ATP10B: variants seen among roughly 807,000 people sequenced by gnomAD.
The protein encoded by ATP10B is ATPase phospholipid transporting 10B (putative).
Under a neutral mutation model 141.2 loss-of-function variants are expected in ATP10B, and 122 were observed. That is an observed-to-expected ratio of 0.86 (90% confidence interval 0.75 to 1.00). The LOEUF (loss-of-function observed/expected upper bound fraction) is 1.00. ATP10B is among the 50% of genes least tolerant of loss of function. The pLI is 0.00. For missense variants in ATP10B, 1,876 were observed against 1,825.3 expected (o/e 1.03, Z -0.51); for synonymous variants, 685 against 692.0 (o/e 0.99, Z 0.16).
rs1001978304 is a variant in ATP10B, at chr5:160,708,187, C to T, written c.-205+8722G>A. ...AACCACTGCAACATTTTTAGGGTGT[C>T]GTTGAGGTTTTGTTGTCTGATTTTT... On this transcript the variant is annotated intron_variant, in intron 3 of 25. Transcript: ENST00000327245. 4.6e-5 allele frequency among the ~76,000 whole-genome samples: 7 copies of T among 152,070 alleles called. 1 individual carries two copies. Among genetic ancestry groups the T allele is most frequent in the African/African-American group, 7.2e-5 (3 of 41,404 alleles).
chr5:160,813,455 G>A (rs1440426438), intron 1 of ATP10B, among the ~76,000 whole-genome samples: 1 of 152,196 alleles, frequency 6.6e-6, no homozygotes, highest in Non-Finnish European at 1.5e-5. Context: ...CACCACTGCT[G>A]AGGCTTGAGT....
At chr5:160,828,913 T>A (rs972882392) in intron 1 of ATP10B, among the ~76,000 whole-genome samples, 2 of 146,750 alleles carry the variant, frequency 1.4e-5, no homozygotes, top group African/African-American at 5.0e-5. Context: ...TGTAGGGACA[T>A]GGATGAAATT....
intron 2 of ATP10B, among the ~76,000 whole-genome samples, chr5:160,776,001 G>A (rs1171170374): frequency 6.6e-6 from 1 of 152,130 alleles, no homozygotes; most frequent in Non-Finnish European, 1.5e-5. Context: ...AGGGCTTTTG[G>A]AGAGATTAAA....
chr5:160,806,779 A>G (rs190238453), intron 1 of ATP10B, among the ~76,000 whole-genome samples: 7 of 152,350 alleles, frequency 4.6e-5, no homozygotes, highest in African/African-American at 1.7e-4. Context: ...ATTCAAGGTC[A>G]CTTATCTGTA....
intron 24 of ATP10B, among the ~76,000 whole-genome samples, chr5:160,574,908 C>G (rs1421946): frequency 0.68 from 102,726 of 151,582 alleles, 35,798 homozygotes; most frequent in East Asian, 0.84. Context: ...TGGTCTTAGA[C>G]TTATCAGCCC....
At chr5:160,604,705 G>GAA (rs1554095054) in intron 19 of ATP10B, among the ~76,000 whole-genome samples, 1 of 151,416 alleles carries the variant, frequency 6.6e-6, no homozygotes, top group Non-Finnish European at 1.5e-5. Context: ...GTAAGGCATA[G>GAA]ACACACACAC....
rs577459114 is a variant in ATP10B at position 160,725,625 on chromosome 5, T to G, written c.-330-8591A>C. 2.6e-5 allele frequency among the ~76,000 whole-genome samples: 4 copies of G among 152,302 alleles called. No individual in the cohort carries two copies. In the East Asian group the frequency reaches 7.7e-4, roughly 29 times the overall value. Reference sequence around the variant, plus strand: ...CACACCCGGCTGATTTTTTGTATTTTTAGTAGAGACGGGGTTTCACCGTGT... The same window carrying G: ...CACACCCGGCTGATTTTTTGTATTTGTAGTAGAGACGGGGTTTCACCGTGT... On this transcript the variant is annotated intron_variant, in intron 2 of 25. Transcript: ENST00000327245.
intron 1 of ATP10B, among the ~76,000 whole-genome samples, chr5:160,818,314 A>ACAAC (rs1773838547): frequency 6.6e-6 from 1 of 152,186 alleles, no homozygotes; most frequent in Admixed American, 6.5e-5. Flanking sequence ...AACAAAACAA[A>ACAAC]CAACCCCATC....
At chr5:160,699,237 C>T (rs1764544315) in intron 3 of ATP10B, among the ~76,000 whole-genome samples, 1 of 152,260 alleles carries the variant, frequency 6.6e-6, no homozygotes, top group Middle Eastern at 3.4e-3. Context: ...TGCATAATTT[C>T]ATTTTTAACA....
At chr5:160,636,596 A>G (rs1759391839) in intron 10 of ATP10B, among the ~76,000 whole-genome samples, 1 of 152,196 alleles carries the variant, frequency 6.6e-6, no homozygotes, top group Non-Finnish European at 1.5e-5. Flanking sequence ...GTCTTGTTAA[A>G]TAGGGGCTGG....
the ATP10B span, among the ~76,000 whole-genome samples, chr5:160,921,208 C>T: frequency 5.3e-5 from 8 of 151,792 alleles, no homozygotes; most frequent in Non-Finnish European, 8.8e-5. Flanking sequence ...GCATATACAA[C>T]CATAAATGTA....
chr5:160,705,861 C>T (rs2127765907), intron 3 of ATP10B, among the ~76,000 whole-genome samples: 1 of 152,346 alleles, frequency 6.6e-6, no homozygotes, highest in East Asian at 1.9e-4. Context: ...TTTCAACATG[C>T]ATTCCTCATG....
intron 3 of ATP10B, among the ~76,000 whole-genome samples, chr5:160,690,375 G>A (rs1764006630): frequency 6.6e-6 from 1 of 152,164 alleles, no homozygotes; most frequent in Non-Finnish European, 1.5e-5. Flanking sequence ...TTAAACTAAA[G>A]AGCTTCTGCA....
intron 16 of ATP10B, among the ~76,000 whole-genome samples, chr5:160,616,863 A>G (rs2127643676): frequency 6.6e-6 from 1 of 152,376 alleles, no homozygotes; most frequent in South Asian, 2.1e-4. Flanking sequence ...ATACTGATTC[A>G]GAGTAGCAGT....
At chr5:160,616,552 C>T (rs1269856734) in intron 16 of ATP10B, among the ~76,000 whole-genome samples, 1 of 152,192 alleles carries the variant, frequency 6.6e-6, no homozygotes, top group African/African-American at 2.4e-5. Flanking sequence ...GAGCACTCCA[C>T]CAGGCATGGT....
At chr5:160,791,611 G>T (rs1771578304) in intron 1 of ATP10B, among the ~76,000 whole-genome samples, 1 of 152,092 alleles carries the variant, frequency 6.6e-6, no homozygotes, top group Non-Finnish European at 1.5e-5. Context: ...ATCCAAAATG[G>T]CCATCAGAGC....
In ATP10B at chr5:160,832,807, G is replaced by A. The variant is rs193278343; in HGVS notation, c.-576+19134C>T. Reference sequence around the variant, plus strand: ...ACAGCTGTATCATCCCGGAGGGCACGGCACAAGAAGAACAAAACCTGCCAT... The same window carrying A: ...ACAGCTGTATCATCCCGGAGGGCACAGCACAAGAAGAACAAAACCTGCCAT... On this transcript the variant is annotated intron_variant, in intron 1 of 25. Coordinates refer to ENST00000327245, the MANE Select transcript of ATP10B (RefSeq NM_025153.3). Among the ~76,000 whole-genome samples the A allele has an allele frequency of 2.2e-3, 334 of 152,200 alleles. 2 individuals are homozygous for A. The highest frequency in any genetic ancestry group is 6.8e-3 in the African/African-American group (282 of 41,538).
the ATP10B span, among the ~76,000 whole-genome samples, chr5:160,865,194 C>T: frequency 6.6e-6 from 1 of 152,000 alleles, no homozygotes; most frequent in Non-Finnish European, 1.5e-5. Flanking sequence ...CTATAGTTAC[C>T]AAAACAACAT....
chr5:160,795,424 G>A (rs1771873005), intron 1 of ATP10B, among the ~76,000 whole-genome samples: 1 of 152,056 alleles, frequency 6.6e-6, no homozygotes, highest in Non-Finnish European at 1.5e-5. Flanking sequence ...CTGTCCTAAG[G>A]TTTCTGTACC....
Sources: gnomAD v4.1 joint callset for allele counts (sites outside exome capture counted in the v4.1 genomes callset) on GRCh38, gnomAD v4.1.1 for gene constraint, MANE v1.5 for transcripts, NCBI Gene and HGNC (gene_info 2026-07-23, HGNC 2026-07-21) for gene names.